The following TBC1D22B variants were observed in gnomAD, a reference collection of about 807,000 sequenced individuals.
TBC1D22B encodes the protein chromosome 6 open reading frame 197.
A neutral mutation model predicts 69.1 loss-of-function variants in TBC1D22B; 32 were observed. That is an observed-to-expected ratio of 0.46 (90% CI 0.35 to 0.62). TBC1D22B has a LOEUF of 0.62. Ranked by LOEUF, TBC1D22B falls within the 20% of genes least tolerant of loss-of-function variation. The pLI is 0.00. For synonymous variants in TBC1D22B, 206 were observed against 229.8 expected, an observed-to-expected ratio of 0.90 and a Z score of 0.94; for missense variants, 462 against 630.9, an observed-to-expected ratio of 0.73 and a Z score of 2.87.
intron 3 of TBC1D22B, among the ~76,000 whole-genome samples, chr6:37,281,721 T>C (rs983539533): frequency 1.3e-5 from 2 of 152,234 alleles, no homozygotes; most frequent in African/African-American, 4.8e-5. Context: ...TCATTCCTTA[T>C]GTGCTCTGTG....
intron 2 of TBC1D22B, among the ~76,000 whole-genome samples, chr6:37,274,266 T>C (rs1335550578): frequency 1.3e-5 from 2 of 152,242 alleles, no homozygotes; most frequent in African/African-American, 4.8e-5. Context: ...CACTTGTCAG[T>C]GTCAAACATT....
chr6:37,282,784 C>A, intron 4 of TBC1D22B, 98 bp from the exon 5 acceptor site: 1 of 1,202,160 alleles, frequency 8.3e-7, no homozygotes, highest in Non-Finnish European at 1.2e-6. Flanking sequence ...TGGTGGTGGT[C>A]TTACATGGAT....
At chr6:37,295,824 G>A in intron 8 of TBC1D22B, 1 of 175,874 alleles carries the variant, frequency 5.7e-6, no homozygotes, top group South Asian at 1.2e-4. Flanking sequence ...GCAGGCAAGA[G>A]ACTAACTTCA....
chr6:37,295,604 C>A, intron 8 of TBC1D22B: 1 of 438,252 alleles, frequency 2.3e-6, no homozygotes, highest in Non-Finnish European at 4.7e-6. Flanking sequence ...AAGAGAAACA[C>A]AATTGCAGTT....
chr6:37,329,051 A>T (rs866148078), intron 12 of TBC1D22B, among the ~76,000 whole-genome samples: 97 of 152,284 alleles, frequency 6.4e-4, no homozygotes, highest in African/African-American at 1.9e-3. Flanking sequence ...CTAAAAAAAA[A>T]AGTTATTTCA....
intron 7 of TBC1D22B, among the ~76,000 whole-genome samples, chr6:37,289,367 A>G (rs1767106804): frequency 6.6e-6 from 1 of 152,242 alleles, no homozygotes; most frequent in African/African-American, 2.4e-5. Context: ...ACTCCTCTCT[A>G]TAAGGCAGGA....
chr6:37,266,816 C>T (rs1766288098), intron 1 of TBC1D22B, among the ~76,000 whole-genome samples: 1 of 151,942 alleles, frequency 6.6e-6, no homozygotes, highest in Non-Finnish European at 1.5e-5. Context: ...AACTACTTTC[C>T]TGTTGGTAAT....
Position 37,332,872 on chromosome 6 carries a change from T to C in TBC1D22B, c.*1700T>C, listed in dbSNP as rs1031978229. 16 of 152,638 alleles carry C rather than the reference T, an allele frequency of 1.0e-4. No homozygotes were observed. The highest frequency in any genetic ancestry group is 3.9e-4 in the African/African-American group (16 of 41,470). The allele number at this position is 152,638 out of a possible 1,614,324, so 9.5% of individuals were successfully genotyped here. On this transcript the variant is annotated 3_prime_UTR_variant, in exon 13 of 13. Transcript: ENST00000373491. ...ACTAATTAAAGAAAGACACTTGTGTTCCCAAGTGGTGGTTTTATTTTTTTA... is the reference window on the plus strand; with the variant it reads ...ACTAATTAAAGAAAGACACTTGTGTCCCCAAGTGGTGGTTTTATTTTTTTA...
chr6:37,273,327 G>T (rs1269883618), intron 2 of TBC1D22B, among the ~76,000 whole-genome samples: 1 of 152,128 alleles, frequency 6.6e-6, no homozygotes, highest in Non-Finnish European at 1.5e-5. Flanking sequence ...TTATTGACTG[G>T]TAATAGATCT....
intron 7 of TBC1D22B, among the ~76,000 whole-genome samples, chr6:37,290,036 C>T (rs1474750622): frequency 3.3e-5 from 5 of 152,174 alleles, no homozygotes; most frequent in African/African-American, 1.2e-4. Context: ...GTAGGCACAA[C>T]GATCTATGAC....
chr6:37,300,963 C>T (rs1223379165), intron 8 of TBC1D22B, among the ~76,000 whole-genome samples: 5 of 151,950 alleles, frequency 3.3e-5, no homozygotes, highest in Non-Finnish European at 7.4e-5. Context: ...GAACGTCAAC[C>T]CTCTGTTTCC....
At chr6:37,260,941 T>C (rs911396515) in intron 1 of TBC1D22B, among the ~76,000 whole-genome samples, 11 of 152,236 alleles carry the variant, frequency 7.2e-5, no homozygotes, top group African/African-American at 2.7e-4. Flanking sequence ...AATGCTTTTA[T>C]GAACATTTAT....
At chr6:37,287,109 CCG>C in intron 7 of TBC1D22B, 37 bp downstream of exon 7, 1 of 1,545,482 alleles carries the variant, frequency 6.5e-7, no homozygotes, top group East Asian at 2.4e-5. Flanking sequence ...GCGCTTCTCC[CCG>C]CATAGTTCTG....
chr6:37,275,231 G>A (rs1766632129), intron 2 of TBC1D22B, among the ~76,000 whole-genome samples: 1 of 152,164 alleles, frequency 6.6e-6, no homozygotes, highest in African/African-American at 2.4e-5. Flanking sequence ...CAACAGAAAG[G>A]GGTGACATTT....
intron 2 of TBC1D22B, among the ~76,000 whole-genome samples, chr6:37,272,732 C>T (rs1043622739): frequency 9.2e-5 from 14 of 152,094 alleles, no homozygotes; most frequent in African/African-American, 2.4e-4. Context: ...TCTGTGTGAT[C>T]GTCCCATTAA....
intron 1 of TBC1D22B, among the ~76,000 whole-genome samples, chr6:37,266,928 G>GTTTT (rs1766292163): frequency 1.8e-5 from 2 of 108,448 alleles, no homozygotes; most frequent in African/African-American, 7.0e-5. Context: ...TATTTTCTTC[G>GTTTT]TCTTTTTTTT....
At chr6:37,285,358 T>G in intron 6 of TBC1D22B, among the ~76,000 whole-genome samples, 1 of 119,612 alleles carries the variant, frequency 8.4e-6, no homozygotes, top group Non-Finnish European at 1.6e-5. Context: ...GGAGTCTCAC[T>G]CTGTCGTCCA....
chr6:37,257,921 G>T lies in TBC1D22B; in HGVS notation c.4G>T (p.Ala2Ser). Residue 2 changes from alanine to serine, a missense_variant, in exon 1 of 13, where the codon GCC (alanine) becomes TCC (serine). This residue lies in a region of TBC1D22B where 237 missense variants were observed against 255.4 expected (regional missense o/e 0.93). Coordinates refer to ENST00000373491, the MANE Select transcript of TBC1D22B (RefSeq NM_017772.4). The stretch of plus-strand genomic sequence containing the variant: ...AGGACTTCCCCCGGCCAGAGCAATG[G>T]CCGCTGAGAACAGCAAGCAGTTTTG... M[A>S]AENSKQFWKR... 1 of 1,613,932 alleles carries T rather than the reference G, an allele frequency of 6.2e-7. No homozygotes were observed. Among genetic ancestry groups the T allele is most frequent in the South Asian group, 1.1e-5 (1 of 90,984 alleles).
Position 37,331,173 on chromosome 6 carries a change from G to C in TBC1D22B, c.*1G>C. ...TGCCCCAAATCACTACCGCCGATAG[G>C]TGCTGTCTCCTCCGGGGACCCAGAC... On this transcript the variant is annotated 3_prime_UTR_variant, in exon 13 of 13. Coordinates refer to ENST00000373491, the MANE Select transcript of TBC1D22B (RefSeq NM_017772.4). 4 of 1,614,052 alleles carry C rather than the reference G, an allele frequency of 2.5e-6. No homozygotes were observed. Among genetic ancestry groups the C allele is most frequent in the Non-Finnish European group, 3.4e-6 (4 of 1,179,946 alleles).
Sources: allele counts gnomAD v4.1 joint callset (sites outside exome capture counted in the v4.1 genomes callset), GRCh38; gene constraint gnomAD v4.1.1; regional missense constraint gnomAD v4.1.1; transcripts MANE v1.5; gene names NCBI Gene and HGNC (gene_info 2026-07-23, HGNC 2026-07-21).